The following NREP variants were observed in gnomAD, a reference collection of about 807,000 sequenced individuals.
NREP encodes the protein neuronal regeneration related protein, also known as neuronal regeneration-related protein.
Under a neutral mutation model 8.6 loss-of-function variants are expected in NREP, and 5 were observed. The observed-to-expected ratio is 0.58, with a 90% CI of 0.30 to 1.22. NREP has a LOEUF of 1.22. Ranked by LOEUF, NREP falls within the 50% of genes most tolerant of loss-of-function variation. The pLI is 0.07. For missense variants in NREP, 86 were observed against 82.5 expected (o/e 1.04, Z -0.17); for synonymous variants, 27 against 28.0 (o/e 0.96, Z 0.11).
chr5:111,807,089 T>A (rs1752160772), intron 2 of NREP, among the ~76,000 whole-genome samples: 1 of 152,104 alleles, frequency 6.6e-6, no homozygotes, highest in South Asian at 2.1e-4. Context: ...AGGCTGCATG[T>A]AAGATAATTA....
At chr5:111,875,840 G>A (rs116285906) in intron 2 of NREP, among the ~76,000 whole-genome samples, 2 of 152,240 alleles carry the variant, frequency 1.3e-5, no homozygotes, top group African/African-American at 4.8e-5. Flanking sequence ...CAAAGAGTGA[G>A]GTTAAGAGCA....
intron 2 of NREP, among the ~76,000 whole-genome samples, chr5:111,789,108 T>C (rs1195389572): frequency 1.3e-5 from 2 of 152,194 alleles, no homozygotes; most frequent in African/African-American, 4.8e-5. Context: ...AATCCCTTTT[T>C]GTGTGTATAT....
intron 2 of NREP, among the ~76,000 whole-genome samples, chr5:111,936,047 C>A (rs1755672653): frequency 6.6e-6 from 1 of 152,056 alleles, no homozygotes; most frequent in South Asian, 2.1e-4. Context: ...ATGAGTCACT[C>A]TAATCTCTGC....
chr5:111,954,156 T>G (rs554542661), intron 2 of NREP, among the ~76,000 whole-genome samples: 216 of 152,258 alleles, frequency 1.4e-3, no homozygotes, highest in African/African-American at 4.7e-3. Context: ...TGGAAAAATA[T>G]AGGCTCTGCA....
upstream of NREP, among the ~76,000 whole-genome samples, chr5:111,760,390 G>A (rs1750934466): frequency 2.6e-5 from 4 of 152,230 alleles, no homozygotes. Flanking sequence ...AAGAGGGACA[G>A]AGACCTGACC....
intron 2 of NREP, among the ~76,000 whole-genome samples, chr5:111,868,275 A>G (rs1753712919): frequency 6.6e-6 from 1 of 152,168 alleles, no homozygotes. Flanking sequence ...GCTCTCATAC[A>G]CCCTTCTCAA....
intron 1 of NREP, among the ~76,000 whole-genome samples, chr5:111,976,366 T>A (rs1336394684): frequency 6.6e-6 from 1 of 152,208 alleles, no homozygotes; most frequent in Non-Finnish European, 1.5e-5. Context: ...GGAACATTCC[T>A]CTTTGCCATA....
At chr5:111,939,362 C>T (rs1188691388) in intron 2 of NREP, among the ~76,000 whole-genome samples, 2 of 152,056 alleles carry the variant, frequency 1.3e-5, no homozygotes, top group Non-Finnish European at 2.9e-5. Context: ...GCCAGGACAT[C>T]ATAACCAAAG....
chr5:111,786,516 C>T (rs79000454), intron 2 of NREP, among the ~76,000 whole-genome samples: 4,154 of 152,256 alleles, frequency 0.027, 71 homozygotes, highest in East Asian at 0.036. Context: ...ATAGAGTAAG[C>T]ATGGATATAC....
At chr5:111,950,795 A>G (rs1210941686) in intron 2 of NREP, among the ~76,000 whole-genome samples, 1 of 152,066 alleles carries the variant, frequency 6.6e-6, no homozygotes, top group Non-Finnish European at 1.5e-5. Flanking sequence ...CAAAAAACAC[A>G]TGAAAAAAAG....
chr5:111,778,326 C>T (rs255884), intron 2 of NREP, among the ~76,000 whole-genome samples: 22,577 of 152,190 alleles, frequency 0.15, 1,870 homozygotes, highest in African/African-American at 0.23. Context: ...TTATATGCAT[C>T]ATAGTGTTAA....
chr5:111,954,871 A>G (rs1756264345), intron 2 of NREP, among the ~76,000 whole-genome samples: 1 of 152,184 alleles, frequency 6.6e-6, no homozygotes, highest in Admixed American at 6.5e-5. Flanking sequence ...TGCTCTTTCA[A>G]TGAAGATCAG....
chr5:111,759,352 C>A (rs534268143), upstream of NREP, among the ~76,000 whole-genome samples: 1 of 152,014 alleles, frequency 6.6e-6, no homozygotes, highest in East Asian at 1.9e-4. Flanking sequence ...GGGACTTTAA[C>A]GTTTATGTAA....
At chr5:111,871,846 C>CTATATATATATATATATT (rs1554104110) in intron 2 of NREP, among the ~76,000 whole-genome samples, 3,306 of 144,356 alleles carry the variant, frequency 0.023, 146 homozygotes, top group African/African-American at 0.078. Flanking sequence ...GTAGTACAGA[C>CTATATATATATATATATT]TATATATATA....
intron 2 of NREP, among the ~76,000 whole-genome samples, chr5:111,832,667 C>G (rs1009907510): frequency 2.0e-5 from 3 of 152,158 alleles, no homozygotes; most frequent in Admixed American, 6.5e-5. Context: ...GGTTCTGACC[C>G]CAATACAGTT....
chr5:111,930,225 G>A (rs1174351283), intron 2 of NREP, among the ~76,000 whole-genome samples: 1 of 152,088 alleles, frequency 6.6e-6, no homozygotes, highest in Non-Finnish European at 1.5e-5. Context: ...GAGGAGATGA[G>A]ATATAAGGCA....
At chr5:111,792,939 T>C (rs567150069) in intron 2 of NREP, among the ~76,000 whole-genome samples, 1 of 152,312 alleles carries the variant, frequency 6.6e-6, no homozygotes, top group African/African-American at 2.4e-5. Flanking sequence ...GGTGGAACTT[T>C]GTTATTTCTA....
chr5:111,944,348 C>T (rs1158354270), intron 2 of NREP, among the ~76,000 whole-genome samples: 1 of 152,040 alleles, frequency 6.6e-6, no homozygotes, highest in Non-Finnish European at 1.5e-5. Context: ...TGCTCTGTCA[C>T]CCAAGTTAGA....
At chr5:111,805,785 T>A (rs1752126344) in intron 2 of NREP, among the ~76,000 whole-genome samples, 1 of 152,098 alleles carries the variant, frequency 6.6e-6, no homozygotes, top group Admixed American at 6.5e-5. Flanking sequence ...TTATCAAATA[T>A]GGCAAAATGT....
Sources: allele counts gnomAD v4.1 joint callset (sites outside exome capture counted in the v4.1 genomes callset), GRCh38; gene constraint gnomAD v4.1.1; transcripts MANE v1.5; gene names NCBI Gene and HGNC (gene_info 2026-07-23, HGNC 2026-07-21).